Variants in GRM1 observed in about 807,000 individuals in gnomAD.
The protein encoded by GRM1 is glutamate metabotropic receptor 1.
In GRM1, 33 loss-of-function variants were observed where a neutral mutation model predicts 90.9. That is an observed-to-expected ratio of 0.36 (90% CI 0.28 to 0.49). The LOEUF (loss-of-function observed/expected upper bound fraction) is 0.49. Among genes scored for constraint, GRM1 ranks in the 20% least tolerant of loss-of-function variants. GRM1 has a pLI of 0.99. For missense variants in GRM1, 1,190 were observed against 1,534.3 expected (o/e 0.78, Z 3.75); for synonymous variants, 700 against 613.2 (o/e 1.14, Z -2.09).
chr6:146,115,940 T>A lies in GRM1; in HGVS notation c.701-43408T>A, dbSNP rs1170309872. Among the ~76,000 whole-genome samples the A allele has an allele frequency of 2.0e-5, 3 of 152,304 alleles. No homozygotes were observed. The South Asian group carries it at 6.2e-4, about 32-fold the overall frequency. On this transcript the variant is annotated intron_variant, in intron 1 of 7. Transcript: ENST00000282753. ...TATTGTATTGGCTATGTACAATTCT[T>A]TGTAATTACATTCATAGTAGATATA...
intron 3 of GRM1, among the ~76,000 whole-genome samples, chr6:146,314,125 A>AGCT (rs1043960416): frequency 1.6e-5 from 2 of 125,652 alleles, no homozygotes; most frequent in Non-Finnish European, 3.1e-5. Context: ...GGAATGCAAT[A>AGCT]GCTGGATCTT....
At chr6:146,224,696 T>C (rs537585956) in intron 2 of GRM1, among the ~76,000 whole-genome samples, 1 of 152,250 alleles carries the variant, frequency 6.6e-6, no homozygotes, top group East Asian at 1.9e-4. Flanking sequence ...CTGCCTTCCC[T>C]TGGAGAGAGC....
intron 1 of GRM1, among the ~76,000 whole-genome samples, chr6:146,056,801 G>A (rs765262502): frequency 1.1e-4 from 16 of 152,136 alleles, no homozygotes; most frequent in Non-Finnish European, 2.1e-4. Context: ...GCTTCTCTGA[G>A]AGTTGTTTAT....
intron 5 of GRM1, among the ~76,000 whole-genome samples, chr6:146,358,580 T>C (rs981206047): frequency 6.6e-6 from 1 of 152,160 alleles, no homozygotes; most frequent in Non-Finnish European, 1.5e-5. Flanking sequence ...CTCTGGCTCC[T>C]GCCATGCTGA....
intron 5 of GRM1, among the ~76,000 whole-genome samples, chr6:146,374,079 G>C (rs1399493747): frequency 2.6e-5 from 4 of 152,078 alleles, no homozygotes; most frequent in Non-Finnish European, 5.9e-5. Context: ...AAGAGAAGTT[G>C]AATTTTACCA....
intron 1 of GRM1, among the ~76,000 whole-genome samples, chr6:146,120,841 G>C (rs528103862): frequency 2.2e-4 from 34 of 152,252 alleles, no homozygotes; most frequent in African/African-American, 8.2e-4. Flanking sequence ...CAGTTTGCCA[G>C]TATTTTATTG....
intron 1 of GRM1, among the ~76,000 whole-genome samples, chr6:146,078,116 C>T (rs576077414): frequency 6.6e-4 from 101 of 152,290 alleles, no homozygotes; most frequent in African/African-American, 2.4e-3. Context: ...TTTCCTTTGT[C>T]GCTCTGTGTG....
In GRM1 at chr6:146,104,136, G is replaced by A. The variant is rs1777141734; in HGVS notation, c.701-55212G>A. 2.6e-5 allele frequency among the ~76,000 whole-genome samples: 4 copies of A among 152,294 alleles called. No homozygotes were observed. In the South Asian group the frequency reaches 8.3e-4, roughly 32 times the overall value. Reference sequence around the variant, plus strand: ...TGAGCTAGGAAATAGTTTGGGGCCAGAGCTAAAGAAGGAGTGGTTGCCAGC... The same window carrying A: ...TGAGCTAGGAAATAGTTTGGGGCCAAAGCTAAAGAAGGAGTGGTTGCCAGC... On this transcript the variant is annotated intron_variant, in intron 1 of 7. Coordinates refer to ENST00000282753, the MANE Select transcript of GRM1 (RefSeq NM_001278064.2).
intron 5 of GRM1, among the ~76,000 whole-genome samples, chr6:146,370,310 A>G (rs752622818): frequency 1.3e-4 from 19 of 151,888 alleles, no homozygotes; most frequent in Non-Finnish European, 2.6e-4. Context: ...TTTTCTCCAT[A>G]GCCTTTTTCC....
rs1313315316 is a variant in GRM1 at position 146,399,303 on chromosome 6, C to T, written c.2264C>T (p.Ala755Val). Residue 755 changes from alanine (A) to valine (V), a missense_variant, in exon 7 of 8, where the codon GCC becomes GTC. Coordinates refer to ENST00000282753, the MANE Select transcript of GRM1 (RefSeq NM_001278064.2). The surrounding 1 kb of genome is among the most constrained non-coding windows in gnomAD (Gnocchi z 5.4). ...AATACCAGCAACCTGGGTGTGGTGG[C>T]CCCTTTGGGCTACAATGGACTCCTC... is the stretch of plus-strand genomic sequence containing the variant. Reference protein sequence around the residue: ...ICNTSNLGVVAPLGYNGLLIM... With the variant: ...ICNTSNLGVVVPLGYNGLLIM... The T allele has an allele frequency of 6.2e-7, 1 of 1,614,124 alleles. No individual in the cohort carries two copies. Among genetic ancestry groups the T allele is most frequent in the Non-Finnish European group, 8.5e-7 (1 of 1,180,014 alleles).
intron 2 of GRM1, among the ~76,000 whole-genome samples, chr6:146,232,287 C>T (rs189404761): frequency 6.6e-6 from 1 of 152,090 alleles, no homozygotes; most frequent in Non-Finnish European, 1.5e-5. Flanking sequence ...GGCCTCTCTT[C>T]TTGGCTTGTA....
intron 1 of GRM1, among the ~76,000 whole-genome samples, chr6:146,122,346 T>C (rs970444290): frequency 2.0e-5 from 3 of 152,138 alleles, no homozygotes; most frequent in Admixed American, 6.5e-5. Flanking sequence ...AGTTTTCAAA[T>C]TTTATTAGGT....
chr6:146,351,838 G>A (rs1785422076), intron 3 of GRM1, among the ~76,000 whole-genome samples: 1 of 152,114 alleles, frequency 6.6e-6, no homozygotes, highest in Non-Finnish European at 1.5e-5. Context: ...TTGAATTCCT[G>A]TAAACTGTAG....
intron 2 of GRM1, among the ~76,000 whole-genome samples, chr6:146,220,778 C>T (rs1249161819): frequency 1.3e-5 from 2 of 152,022 alleles, no homozygotes; most frequent in African/African-American, 4.8e-5. Flanking sequence ...GAGCGCACAT[C>T]GTTGGGCATC....
intron 3 of GRM1, among the ~76,000 whole-genome samples, chr6:146,332,808 T>G (rs1784629967): frequency 6.6e-6 from 1 of 152,166 alleles, no homozygotes; most frequent in African/African-American, 2.4e-5. Flanking sequence ...CAAAATCACT[T>G]TTTAAATTTC....
chr6:146,086,706 C>T (rs1385937061), intron 1 of GRM1, among the ~76,000 whole-genome samples: 1 of 152,012 alleles, frequency 6.6e-6, no homozygotes, highest in Non-Finnish European at 1.5e-5. Context: ...CAACAATTGA[C>T]CCTTAGTCTG....
chr6:146,202,978 G>A (rs778145585), intron 2 of GRM1, among the ~76,000 whole-genome samples: 5 of 152,080 alleles, frequency 3.3e-5, no homozygotes, highest in South Asian at 2.1e-4. Context: ...GGCGGATCAC[G>A]AGGTCAGGAG....
chr6:146,176,385 T>C (rs1778338416), intron 2 of GRM1, among the ~76,000 whole-genome samples: 1 of 152,106 alleles, frequency 6.6e-6, no homozygotes, highest in Non-Finnish European at 1.5e-5. Flanking sequence ...GTTGGGTTAA[T>C]ATCTTACCTG....
chr6:146,084,287 T>C (rs1022025665), intron 1 of GRM1, among the ~76,000 whole-genome samples: 2 of 152,044 alleles, frequency 1.3e-5, no homozygotes, highest in Non-Finnish European at 2.9e-5. Flanking sequence ...GGCTTTTGGA[T>C]TTGTTTGCTC....
Sources: gnomAD v4.1 joint callset for allele counts (sites outside exome capture counted in the v4.1 genomes callset) on GRCh38, gnomAD v4.1.1 for gene constraint, Gnocchi (gnomAD v3.1) non-coding constraint, MANE v1.5 for transcripts, NCBI Gene and HGNC (gene_info 2026-07-23, HGNC 2026-07-21) for gene names.